ZNRF2: variants seen among roughly 807,000 people sequenced by gnomAD.
The protein encoded by ZNRF2 is zinc and ring finger 2, also known as E3 ubiquitin-protein ligase ZNRF2.
ZNRF2 carries 16 observed loss-of-function variants against 20.4 expected under a neutral mutation model. The ratio of observed to expected loss-of-function variants is 0.79; its 90% CI spans 0.53 to 1.19. The LOEUF (loss-of-function observed/expected upper bound fraction) is 1.19, where lower values mean the gene tolerates loss of function less well. Ranked by LOEUF, ZNRF2 falls within the 50% of genes most tolerant of loss-of-function variation. The pLI is 0.00. For missense variants in ZNRF2, 363 were observed against 332.4 expected, an observed-to-expected ratio of 1.09 and a Z score of -0.72; for synonymous variants, 178 against 144.9, an observed-to-expected ratio of 1.23 and a Z score of -1.64.
At chr7:30,315,504 T>C (rs1799355489) in intron 1 of ZNRF2, among the ~76,000 whole-genome samples, 2 of 152,126 alleles carry the variant, frequency 1.3e-5, no homozygotes, top group South Asian at 4.1e-4. Flanking sequence ...CTGAGTTTTC[T>C]TACCTGTAAA....
intron 1 of ZNRF2, among the ~76,000 whole-genome samples, chr7:30,312,367 G>A (rs1478028086): frequency 6.6e-6 from 1 of 152,146 alleles, no homozygotes; most frequent in Non-Finnish European, 1.5e-5. Context: ...CTCCTGTTGT[G>A]TTTGTGCGTT....
chr7:30,302,931 C>T (rs1269244991), intron 1 of ZNRF2, among the ~76,000 whole-genome samples: 4 of 152,120 alleles, frequency 2.6e-5, no homozygotes, highest in Non-Finnish European at 4.4e-5. Flanking sequence ...TAAGATTCTC[C>T]TGGAAGGAAG....
intron 2 of ZNRF2, among the ~76,000 whole-genome samples, chr7:30,342,873 T>G (rs1799818311): frequency 6.6e-6 from 1 of 152,174 alleles, no homozygotes; most frequent in Non-Finnish European, 1.5e-5. Flanking sequence ...GAGAGTATCT[T>G]TATCCAAGTG....
chr7:30,331,149 A>G (rs1799630074), intron 2 of ZNRF2, among the ~76,000 whole-genome samples: 1 of 152,170 alleles, frequency 6.6e-6, no homozygotes, highest in African/African-American at 2.4e-5. Flanking sequence ...AACAAATCCA[A>G]AACTGTTCAT....
At chr7:30,299,776 CTTTTT>C (rs34591785) in intron 1 of ZNRF2, among the ~76,000 whole-genome samples, 2 of 123,320 alleles carry the variant, frequency 1.6e-5, no homozygotes, top group Non-Finnish European at 1.7e-5. Flanking sequence ...CTAAAACCTG[CTTTTT>C]TTTTTTTTTT....
At chr7:30,312,077 A>G (rs1799300096) in intron 1 of ZNRF2, among the ~76,000 whole-genome samples, 1 of 152,186 alleles carries the variant, frequency 6.6e-6, no homozygotes, top group South Asian at 2.1e-4. Context: ...TATTTGCTCA[A>G]GCGATCCTCC....
intron 2 of ZNRF2, among the ~76,000 whole-genome samples, chr7:30,324,736 G>A (rs1415079396): frequency 1.3e-5 from 2 of 152,126 alleles, no homozygotes; most frequent in Non-Finnish European, 2.9e-5. Flanking sequence ...TTTGGGTTAA[G>A]CCTAAGTAAA....
chr7:30,359,784 C>A (rs143035432), intron 3 of ZNRF2, among the ~76,000 whole-genome samples: 158 of 152,238 alleles, frequency 1.0e-3, no homozygotes, highest in African/African-American at 3.7e-3. Flanking sequence ...CAGTCGTGTT[C>A]TATTTATTAG....
chr7:30,320,793 A>G (rs1324267541), intron 1 of ZNRF2, among the ~76,000 whole-genome samples: 1 of 152,198 alleles, frequency 6.6e-6, no homozygotes, highest in Non-Finnish European at 1.5e-5. Context: ...ATACATTGCA[A>G]ATATTTTAAA....
intron 1 of ZNRF2, among the ~76,000 whole-genome samples, chr7:30,304,581 G>A (rs1330101481): frequency 6.6e-6 from 1 of 152,194 alleles, no homozygotes; most frequent in East Asian, 1.9e-4. Flanking sequence ...ATTTGCAGCA[G>A]GTGCAACTAG....
chr7:30,295,046 A>AGT (rs1798991587), intron 1 of ZNRF2, among the ~76,000 whole-genome samples: 33 of 98,570 alleles, frequency 3.3e-4, no homozygotes, highest in East Asian at 6.1e-4. Context: ...AGAGAGAGAG[A>AGT]GAGAGTGTGT....
chr7:30,331,420 T>C (rs1400311615), intron 2 of ZNRF2, among the ~76,000 whole-genome samples: 1 of 152,156 alleles, frequency 6.6e-6, no homozygotes, highest in Non-Finnish European at 1.5e-5. Flanking sequence ...TCACTGAAAT[T>C]AGAGTCTGGC....
In ZNRF2 at chr7:30,356,499, G is replaced by A. The variant is rs114446227; in HGVS notation, c.671+666G>A. Among the ~76,000 whole-genome samples, 999 of 152,148 alleles carry A rather than the reference G, an allele frequency of 6.6e-3. 13 individuals are homozygous for A. The highest frequency in any genetic ancestry group is 0.022 in the African/African-American group (912 of 41,508). ...GTTGAAAAACAGATTGAAAGGTTGGGATAGGTAGTTGATAAACAACACATT... is the reference window on the plus strand; with the variant it reads ...GTTGAAAAACAGATTGAAAGGTTGGAATAGGTAGTTGATAAACAACACATT... On this transcript the variant is annotated intron_variant, in intron 3 of 4. Coordinates refer to ENST00000323037, the MANE Select transcript of ZNRF2 (RefSeq NM_147128.4).
intron 2 of ZNRF2, among the ~76,000 whole-genome samples, chr7:30,334,294 A>T (rs1799684183): frequency 6.6e-6 from 1 of 152,098 alleles, no homozygotes; most frequent in Non-Finnish European, 1.5e-5. Flanking sequence ...GTGGAAGATC[A>T]GTTGGTTATA....
intron 1 of ZNRF2, among the ~76,000 whole-genome samples, chr7:30,310,385 A>T (rs1049992057): frequency 6.6e-5 from 10 of 152,176 alleles, no homozygotes; most frequent in Non-Finnish European, 1.5e-4. Context: ...GTTCTTAAAG[A>T]CTTAATCCAG....
chr7:30,309,612 T>TTTA (rs1481888473), intron 1 of ZNRF2, among the ~76,000 whole-genome samples: 2 of 152,174 alleles, frequency 1.3e-5, no homozygotes, highest in African/African-American at 4.8e-5. Flanking sequence ...GAAGTCAGTG[T>TTTA]TTATAGTGAA....
At chr7:30,353,742 T>C (rs1317354363) in intron 2 of ZNRF2, among the ~76,000 whole-genome samples, 1 of 149,268 alleles carries the variant, frequency 6.7e-6, no homozygotes, top group South Asian at 2.1e-4. Flanking sequence ...GGTGGAAGCA[T>C]TTTTTTTTTA....
intron 3 of ZNRF2, among the ~76,000 whole-genome samples, chr7:30,357,921 A>T (rs562253070): frequency 1.3e-5 from 2 of 152,172 alleles, no homozygotes; most frequent in East Asian, 3.8e-4. Context: ...TCTCATGAAC[A>T]TAGATATAAC....
chr7:30,310,021 G>T (rs1799268289), intron 1 of ZNRF2, among the ~76,000 whole-genome samples: 1 of 152,124 alleles, frequency 6.6e-6, no homozygotes, highest in South Asian at 2.1e-4. Flanking sequence ...TTGGGGAAGG[G>T]TGAGGTCAAG....
Sources: allele counts gnomAD v4.1 joint callset (sites outside exome capture counted in the v4.1 genomes callset), GRCh38; gene constraint gnomAD v4.1.1; transcripts MANE v1.5; gene names NCBI Gene and HGNC (gene_info 2026-07-23, HGNC 2026-07-21).